IQSEC1: variants seen among roughly 807,000 people sequenced by gnomAD.
IQSEC1 encodes the protein IQ motif and Sec7 domain ArfGEF 1.
IQSEC1 carries 31 observed loss-of-function variants against 91.0 expected under a neutral mutation model. The observed-to-expected ratio is 0.34, with a 90% CI of 0.26 to 0.46. The LOEUF (loss-of-function observed/expected upper bound fraction) is 0.46, where lower values mean the gene tolerates loss of function less well. IQSEC1 is among the 20% of genes least tolerant of loss of function. The probability of loss-of-function intolerance (pLI) is 1.00; values close to 1 mark genes in which losing one functional copy is unlikely to be tolerated. For synonymous variants in IQSEC1, 699 were observed against 662.6 expected (o/e 1.05, Z -0.84); for missense variants, 1,388 against 1,575.6 (o/e 0.88, Z 2.02).
At chr3:13,130,072 G>A (rs1407629361) in intron 2 of IQSEC1, among the ~76,000 whole-genome samples, 1 of 151,538 alleles carries the variant, frequency 6.6e-6, no homozygotes, top group Non-Finnish European at 1.5e-5. Flanking sequence ...TTGGCTGGGT[G>A]CAGTGGCTCA....
At chr3:13,101,213 G>A (rs899981221) in intron 2 of IQSEC1, among the ~76,000 whole-genome samples, 2 of 152,174 alleles carry the variant, frequency 1.3e-5, no homozygotes, top group African/African-American at 4.8e-5. Flanking sequence ...TGGGCGCGGT[G>A]GCTCACGCCT....
intron 13 of IQSEC1, among the ~76,000 whole-genome samples, chr3:12,901,777 C>T (rs1443638649): frequency 6.6e-6 from 1 of 152,074 alleles, no homozygotes; most frequent in Non-Finnish European, 1.5e-5. Context: ...CTCTGACCAC[C>T]ACGGCAGAAG....
At chr3:12,949,736 A>G (rs537940962) in intron 1 of IQSEC1, among the ~76,000 whole-genome samples, 278 of 148,096 alleles carry the variant, frequency 1.9e-3, no homozygotes, top group African/African-American at 6.5e-3. Flanking sequence ...CGTCTCGGGG[A>G]GGGATGGGAC....
At chr3:13,059,272 C>T (rs1013141738) in intron 1 of IQSEC1, among the ~76,000 whole-genome samples, 2 of 152,170 alleles carry the variant, frequency 1.3e-5, no homozygotes, top group African/African-American at 2.4e-5. Flanking sequence ...GGCCAGACCC[C>T]TAGGCACTAT....
intron 1 of IQSEC1, 98 bp from the exon 2 acceptor site, chr3:12,941,963 CCCCATG>C (rs1050891291): frequency 8.6e-7 from 1 of 1,156,426 alleles, no homozygotes; most frequent in African/African-American, 1.6e-5. Context: ...CTGGAGGAGC[CCCCATG>C]CCCGTTCTTC....
chr3:13,099,303 TG>T (rs1318409170), intron 2 of IQSEC1, among the ~76,000 whole-genome samples: 8 of 152,196 alleles, frequency 5.3e-5, no homozygotes, highest in Admixed American at 1.3e-4. Context: ...ATATAGCTGG[TG>T]GGGCATGGGC....
intron 1 of IQSEC1, among the ~76,000 whole-genome samples, chr3:12,949,870 G>A (rs554018364): frequency 5.3e-5 from 8 of 152,346 alleles, no homozygotes; most frequent in Admixed American, 3.9e-4. Flanking sequence ...CTGGTGCAGA[G>A]AGAACAGGCA....
chr3:12,937,780 C>T (rs1394370008), intron 2 of IQSEC1, among the ~76,000 whole-genome samples: 2 of 152,246 alleles, frequency 1.3e-5, no homozygotes, highest in African/African-American at 4.8e-5. Context: ...AGCCCCCAAG[C>T]TCCCTTGCTC....
intron 5 of IQSEC1, among the ~76,000 whole-genome samples, chr3:12,920,998 G>T (rs142061142): frequency 6.6e-6 from 1 of 152,204 alleles, no homozygotes; most frequent in Non-Finnish European, 1.5e-5. Flanking sequence ...GGTGAAAGCA[G>T]CCAGGGGCAC....
chr3:12,949,155 G>A (rs1052323099), intron 1 of IQSEC1, among the ~76,000 whole-genome samples: 2 of 152,238 alleles, frequency 1.3e-5, no homozygotes, highest in Non-Finnish European at 2.9e-5. Flanking sequence ...ACAGAGTTGT[G>A]TGGGACCTGA....
chr3:13,167,816 G>A (rs1405720092), intron 1 of IQSEC1, among the ~76,000 whole-genome samples: 7 of 152,224 alleles, frequency 4.6e-5, no homozygotes, highest in Admixed American at 4.6e-4. Context: ...CATGCTCACT[G>A]GACTTGAACC....
At chr3:13,096,659 C>T (rs1024341894) in intron 2 of IQSEC1, among the ~76,000 whole-genome samples, 1 of 152,176 alleles carries the variant, frequency 6.6e-6, no homozygotes, top group Non-Finnish European at 1.5e-5. Flanking sequence ...CGGCAGCCTC[C>T]TGGTGCTTCC....
chr3:13,151,714 C>T (rs979042240), intron 2 of IQSEC1, among the ~76,000 whole-genome samples: 3 of 152,158 alleles, frequency 2.0e-5, no homozygotes, highest in African/African-American at 4.8e-5. Flanking sequence ...GCCTGTAATC[C>T]CAGCACTTTG....
Position 12,899,560 on chromosome 3 carries a change from C to G in IQSEC1, c.*1423G>C. On this transcript the variant is annotated 3_prime_UTR_variant, in exon 14 of 14. Transcript: ENST00000613206. Reference sequence around the variant, plus strand: ...GCACAGCTGAGAGTCATGTGATGCCCTGGCAGCTCACTGGACCATGGGAAG... The same window carrying G: ...GCACAGCTGAGAGTCATGTGATGCCGTGGCAGCTCACTGGACCATGGGAAG... The G allele has an allele frequency of 6.7e-7, 1 of 1,496,274 alleles. No homozygotes were observed. The highest frequency in any genetic ancestry group is 9.0e-7 in the Non-Finnish European group (1 of 1,113,448). The allele number at this position is 1,496,274 out of a possible 1,614,324, so 92.7% of individuals were successfully genotyped here. A position where few individuals can be genotyped will look rare whatever the true frequency, so the allele number is the denominator to read the frequency against.
chr3:13,274,097 T>A (rs1034714776), intron 1 of IQSEC1, among the ~76,000 whole-genome samples: 4 of 152,106 alleles, frequency 2.6e-5, no homozygotes, highest in Non-Finnish European at 5.9e-5. Context: ...TCCAGTCCTG[T>A]CTTTGGGTTT....
intron 3 of IQSEC1, among the ~76,000 whole-genome samples, chr3:12,933,310 G>A (rs766328933): frequency 1.3e-5 from 2 of 152,206 alleles, no homozygotes; most frequent in Non-Finnish European, 2.9e-5. Flanking sequence ...TCACACTAGT[G>A]CTAGTTATGA....
At chr3:13,257,621 C>A (rs1369370315) in intron 1 of IQSEC1, among the ~76,000 whole-genome samples, 1 of 152,196 alleles carries the variant, frequency 6.6e-6, no homozygotes, top group Admixed American at 6.5e-5. Context: ...GGGTAGGGCT[C>A]CGCACCCTGC....
intron 1 of IQSEC1, among the ~76,000 whole-genome samples, chr3:13,267,807 C>T (rs1206313954): frequency 2.0e-5 from 3 of 151,878 alleles, no homozygotes; most frequent in Non-Finnish European, 4.4e-5. Context: ...TTAGTAGAGA[C>T]GGGGTTTCAC....
At chr3:13,115,776 G>C (rs1229161085) in intron 2 of IQSEC1, among the ~76,000 whole-genome samples, 1 of 152,148 alleles carries the variant, frequency 6.6e-6, no homozygotes, top group Admixed American at 6.5e-5. Flanking sequence ...GGCGAGCTAG[G>C]CACTGTTACT....
Sources: gnomAD v4.1 joint callset for allele counts (sites outside exome capture counted in the v4.1 genomes callset) on GRCh38, gnomAD v4.1.1 for gene constraint, MANE v1.5 for transcripts, NCBI Gene and HGNC (gene_info 2026-07-23, HGNC 2026-07-21) for gene names.